Variants in SYT14 observed in about 807,000 individuals in gnomAD.
SYT14 encodes the protein synaptotagmin-14.
SYT14 carries 32 observed loss-of-function variants against 74.2 expected under a neutral mutation model. The ratio of observed to expected loss-of-function variants is 0.43; its 90% CI spans 0.33 to 0.58. SYT14 has a LOEUF of 0.58. SYT14 is among the 20% of genes least tolerant of loss of function. SYT14 has a pLI of 0.05. For missense variants in SYT14, 791 were observed against 981.8 expected (o/e 0.81, Z 2.60); for synonymous variants, 298 against 337.7 (o/e 0.88, Z 1.29).
intron 8 of SYT14, among the ~76,000 whole-genome samples, chr1:210,158,037 T>C (rs1229060868): frequency 6.6e-6 from 1 of 152,134 alleles, no homozygotes; most frequent in Non-Finnish European, 1.5e-5. Flanking sequence ...TCTTTATAGG[T>C]AAAATTAAGG....
chr1:210,067,398 CTTAATA>C (rs2081315676), intron 5 of SYT14, among the ~76,000 whole-genome samples: 1 of 152,012 alleles, frequency 6.6e-6, no homozygotes, highest in Non-Finnish European at 1.5e-5. Flanking sequence ...ATATTGCCAT[CTTAATA>C]TTAAGTCTTC....
At chr1:210,076,367 A>G (rs982211310) in intron 5 of SYT14, among the ~76,000 whole-genome samples, 13 of 152,212 alleles carry the variant, frequency 8.5e-5, no homozygotes, top group African/African-American at 2.9e-4. Flanking sequence ...TACAACCATC[A>G]CAATAATTTA....
At chr1:210,132,444 T>C (rs1279383033) in intron 7 of SYT14, among the ~76,000 whole-genome samples, 1 of 152,128 alleles carries the variant, frequency 6.6e-6, no homozygotes, top group East Asian at 1.9e-4. Context: ...GTTTGTTGTA[T>C]AGGTAAACTT....
intron 2 of SYT14, among the ~76,000 whole-genome samples, chr1:209,963,718 A>G (rs944505026): frequency 5.3e-5 from 8 of 152,216 alleles, no homozygotes; most frequent in Admixed American, 2.6e-4. Flanking sequence ...TTTAAGAAAT[A>G]TATCTACAAA....
At chr1:210,132,592 T>TGTGG (rs1229083618) in intron 7 of SYT14, among the ~76,000 whole-genome samples, 9 of 151,976 alleles carry the variant, frequency 5.9e-5, no homozygotes, top group Non-Finnish European at 1.2e-4. Context: ...TGTGTGTGTG[T>TGTGG]GTGTGTGTGT....
At position 210,030,294 on chromosome 1, in the gene SYT14, A is replaced by ACCATGC. The variant is rs899963475; in HGVS notation, c.1312+9056_1312+9061dup. Among the ~76,000 whole-genome samples the ACCATGC allele has an allele frequency of 7.9e-5, 12 of 151,996 alleles. No individual in the cohort carries two copies. In the East Asian group the frequency reaches 2.1e-3, roughly 27 times the overall value. ...GTAGCTGGGATTACAGTTTCCTGCC[A>ACCATGC]CCATGCCCATGCCCATGCCCAGCTA... On this transcript the variant is annotated intron_variant, in intron 5 of 9. Transcript: ENST00000637265.
At chr1:210,054,202 C>T (rs996378812) in intron 5 of SYT14, among the ~76,000 whole-genome samples, 5 of 152,108 alleles carry the variant, frequency 3.3e-5, no homozygotes, top group African/African-American at 1.2e-4. Flanking sequence ...ATTTGGTGGA[C>T]ACTTTCAGTT....
At chr1:210,026,641 C>CACACACAT (rs1206613320) in intron 5 of SYT14, among the ~76,000 whole-genome samples, 1 of 151,374 alleles carries the variant, frequency 6.6e-6, no homozygotes, top group African/African-American at 2.4e-5. Context: ...CACACACACA[C>CACACACAT]ACTCACCCCT....
At chr1:209,938,398 A>C in intron 1 of SYT14, 121 bp downstream of exon 1, 3 of 991,716 alleles carry the variant, frequency 3.0e-6, no homozygotes, top group Non-Finnish European at 2.9e-6. Context: ...GAGCCGGCTG[A>C]AGACGCGCGG....
chr1:210,048,758 C>T (rs1000248459), intron 5 of SYT14, among the ~76,000 whole-genome samples: 11 of 152,306 alleles, frequency 7.2e-5, no homozygotes, highest in African/African-American at 2.6e-4. Flanking sequence ...AGCATTAACT[C>T]GGAAGTCCAC....
At chr1:209,949,525 A>G (rs1193162207) in intron 1 of SYT14, among the ~76,000 whole-genome samples, 4 of 148,758 alleles carry the variant, frequency 2.7e-5, no homozygotes, top group African/African-American at 1.0e-4. Context: ...GTGAGCTGAG[A>G]TTGTGCCACT....
intron 4 of SYT14, among the ~76,000 whole-genome samples, chr1:210,019,321 C>T (rs768127040): frequency 1.9e-4 from 29 of 152,236 alleles, no homozygotes; most frequent in East Asian, 7.7e-4. Flanking sequence ...CAGCTCTGCA[C>T]TGGGAGTCAG....
chr1:210,048,653 G>T (rs527872122), intron 5 of SYT14, among the ~76,000 whole-genome samples: 2 of 152,194 alleles, frequency 1.3e-5, no homozygotes, highest in South Asian at 4.1e-4. Context: ...GCCAAACCAC[G>T]TCATTTCGCC....
intron 5 of SYT14, among the ~76,000 whole-genome samples, chr1:210,086,356 T>C (rs771875948): frequency 6.6e-6 from 1 of 152,228 alleles, no homozygotes; most frequent in Non-Finnish European, 1.5e-5. Context: ...TTTTCACTTA[T>C]TCATATATTT....
chr1:209,939,936 G>T (rs1285170134), intron 1 of SYT14, among the ~76,000 whole-genome samples: 1 of 152,086 alleles, frequency 6.6e-6, no homozygotes. Context: ...GTCACCTGAT[G>T]GCATTTTACT....
intron 2 of SYT14, among the ~76,000 whole-genome samples, chr1:209,993,398 T>C (rs900077974): frequency 2.0e-5 from 3 of 152,180 alleles, no homozygotes; most frequent in African/African-American, 4.8e-5. Context: ...CCAGAAACAC[T>C]TGTAATTCCT....
intron 5 of SYT14, among the ~76,000 whole-genome samples, chr1:210,085,054 A>G (rs1166922670): frequency 6.6e-6 from 1 of 152,226 alleles, no homozygotes; most frequent in African/African-American, 2.4e-5. Flanking sequence ...GATTCCACCA[A>G]TTGCTAAGAA....
At chr1:209,955,970 A>G (rs561777873) in intron 2 of SYT14, among the ~76,000 whole-genome samples, 5 of 152,344 alleles carry the variant, frequency 3.3e-5, no homozygotes, top group South Asian at 2.1e-4. Flanking sequence ...ACATTTTTAT[A>G]ATCAATATTG....
intron 8 of SYT14, among the ~76,000 whole-genome samples, chr1:210,159,001 G>A (rs2083322225): frequency 6.6e-6 from 1 of 151,748 alleles, no homozygotes; most frequent in Non-Finnish European, 1.5e-5. Flanking sequence ...TGTATATATT[G>A]GGAATAATAA....
Sources: allele counts gnomAD v4.1 joint callset (sites outside exome capture counted in the v4.1 genomes callset), GRCh38; gene constraint gnomAD v4.1.1; transcripts MANE v1.5; gene names NCBI Gene and HGNC (gene_info 2026-07-23, HGNC 2026-07-21).